Variants in BET1 observed in about 807,000 individuals in gnomAD.
BET1 encodes BET1 homolog.
Under a neutral mutation model 13.9 loss-of-function variants are expected in BET1, and 9 were observed. That is an observed-to-expected ratio of 0.65 (90% CI 0.39 to 1.13). The LOEUF (loss-of-function observed/expected upper bound fraction) is 1.13, where lower values mean the gene tolerates loss of function less well. Among genes scored for constraint, BET1 ranks in the 50% most tolerant of loss-of-function variants. BET1 has a pLI of 0.01. For synonymous variants in BET1, 39 were observed against 47.3 expected (o/e 0.82, Z 0.72); for missense variants, 127 against 133.6 (o/e 0.95, Z 0.24).
At chr7:93,978,498 C>T (rs986435256) in intron 4 of BET1, among the ~76,000 whole-genome samples, 10 of 152,150 alleles carry the variant, frequency 6.6e-5, no homozygotes, top group Admixed American at 3.9e-4. Flanking sequence ...CCCCTTGATG[C>T]ATTTCTCATT....
At chr7:93,997,994 G>C (rs59411491) in intron 2 of BET1, among the ~76,000 whole-genome samples, 1,851 of 152,164 alleles carry the variant, frequency 0.012, 35 homozygotes, top group African/African-American at 0.041. Context: ...GGAGGGAGGG[G>C]GTGCAATGAA....
rs77762339 is a variant in BET1, at chr7:93,977,030, A to G, written c.236-930T>C. Among the ~76,000 whole-genome samples, 1,200 of 152,216 alleles carry G rather than the reference A, an allele frequency of 7.9e-3. 19 individuals are homozygous for G. The highest frequency in any genetic ancestry group is 0.027 in the African/African-American group (1,132 of 41,530). On this transcript the variant is annotated intron_variant and NMD_transcript_variant, in intron 4 of 6. Transcript: ENST00000357520. ...TTTTGTTCCCTTTTATGGCTGAGAT[A>G]TATCTATATCTATCTATATCTATAT...
intron 4 of BET1, among the ~76,000 whole-genome samples, chr7:93,978,133 A>G (rs972266956): frequency 4.0e-5 from 6 of 151,534 alleles, no homozygotes; most frequent in Admixed American, 1.3e-4. Context: ...GTGCAGTGGC[A>G]TGATTGGCTT....
At position 94,004,342 on chromosome 7, in the gene BET1, G is replaced by C. The variant is rs1327916303; in HGVS notation, c.-126C>G. Reference sequence around the variant, plus strand: ...AAACACCAACTTCTTCCCCTAAAGCGCCACGACATCAGTGGAGTCTAAACA... The same window carrying C: ...AAACACCAACTTCTTCCCCTAAAGCCCCACGACATCAGTGGAGTCTAAACA... On this transcript the variant is annotated 5_prime_UTR_variant, in exon 1 of 4. Transcript: ENST00000222547. The C allele has an allele frequency of 7.6e-6, 10 of 1,319,502 alleles. No individual in the cohort carries two copies. Among genetic ancestry groups the C allele is most frequent in the Non-Finnish European group, 9.8e-6 (9 of 920,772 alleles). 81.7% of individuals were successfully genotyped at this position (1,319,502 alleles called of 1,614,324 possible). A position where few individuals can be genotyped will look rare whatever the true frequency, so the allele number is the denominator to read the frequency against.
intron 3 of BET1, among the ~76,000 whole-genome samples, chr7:93,994,719 T>C (rs1795723583): frequency 6.6e-6 from 1 of 152,244 alleles, no homozygotes; most frequent in Non-Finnish European, 1.5e-5. Context: ...TTGTGCATTA[T>C]CACACAGATT....
downstream of BET1, chr7:93,992,275 C>A (rs1220505725): frequency 3.0e-6 from 3 of 985,178 alleles, no homozygotes; most frequent in Non-Finnish European, 3.6e-6. Context: ...TTCCTGAAAT[C>A]TCTATCTGCT....
At chr7:93,975,033 A>G (rs1266970606) in intron 5 of BET1, among the ~76,000 whole-genome samples, 3 of 151,996 alleles carry the variant, frequency 2.0e-5, no homozygotes, top group East Asian at 1.9e-4. Flanking sequence ...AGAAACATCA[A>G]ATAGAACCAA....
rs1795700113 is a variant in BET1 at position 93,994,009 on chromosome 7, T to C, written c.*221A>G. 1 of 1,509,962 alleles carries C rather than the reference T, an allele frequency of 6.6e-7. No individual in the cohort carries two copies. The highest frequency in any genetic ancestry group is 1.3e-5 in the South Asian group (1 of 78,340). 93.5% of individuals were successfully genotyped at this position (1,509,962 alleles called of 1,614,324 possible). A position where few individuals can be genotyped will look rare whatever the true frequency, so the allele number is the denominator to read the frequency against. The stretch of plus-strand genomic sequence containing the variant: ...TGGAAATTAGTGGAGCCACACCCTC[T>C]CACTACCCCTGAAAATAGGGGCTAA... On this transcript the variant is annotated 3_prime_UTR_variant, in exon 4 of 4. Coordinates refer to ENST00000222547, the MANE Select transcript of BET1 (RefSeq NM_005868.6).
At chr7:94,003,393 A>G (rs1795956500) in intron 1 of BET1, among the ~76,000 whole-genome samples, 2 of 151,802 alleles carry the variant, frequency 1.3e-5, no homozygotes, top group Admixed American at 1.3e-4. Flanking sequence ...GAAAGGTAAT[A>G]TCTTTTTTCA....
chr7:93,966,744 C>T (rs1373748313), intron 6 of BET1, among the ~76,000 whole-genome samples: 2 of 151,510 alleles, frequency 1.3e-5, no homozygotes, highest in South Asian at 2.1e-4. Flanking sequence ...GATATCAGCC[C>T]AAAGGATTGG....
intron 4 of BET1, among the ~76,000 whole-genome samples, chr7:93,985,944 G>C (rs1007732917): frequency 6.6e-6 from 1 of 152,126 alleles, no homozygotes; most frequent in Non-Finnish European, 1.5e-5. Flanking sequence ...AGTTAGAAAC[G>C]GACCACAGTG....
intron 5 of BET1, among the ~76,000 whole-genome samples, chr7:93,974,132 G>T (rs1795301241): frequency 6.6e-6 from 1 of 152,000 alleles, no homozygotes; most frequent in East Asian, 1.9e-4. Flanking sequence ...TATAAGAAAA[G>T]GGATAGCTAG....
intron 5 of BET1, among the ~76,000 whole-genome samples, chr7:93,973,139 A>T (rs1795284752): frequency 6.6e-6 from 1 of 151,996 alleles, no homozygotes; most frequent in Non-Finnish European, 1.5e-5. Flanking sequence ...TATAGTTAAC[A>T]GATATCAAAA....
chr7:93,998,402 GAA>G (rs1795818181), intron 2 of BET1, among the ~76,000 whole-genome samples: 1 of 152,088 alleles, frequency 6.6e-6, no homozygotes, highest in African/African-American at 2.4e-5. Flanking sequence ...GTTCAACTAA[GAA>G]AACCAGGGGA....
At chr7:94,004,028 G>A (rs1795971747) in intron 1 of BET1, among the ~76,000 whole-genome samples, 170 bp downstream of exon 1, 1 of 152,066 alleles carries the variant, frequency 6.6e-6, no homozygotes, top group African/African-American at 2.4e-5. Context: ...AAATTCCAAA[G>A]ATCTGGGACA....
intron 6 of BET1, among the ~76,000 whole-genome samples, chr7:93,966,079 T>G (rs1021645305): frequency 6.6e-6 from 1 of 151,994 alleles, no homozygotes; most frequent in Non-Finnish European, 1.5e-5. Context: ...GGAATATTAA[T>G]GGTGGTCACT....
At chr7:93,966,471 C>A (rs1472670588) in intron 6 of BET1, among the ~76,000 whole-genome samples, 1 of 151,814 alleles carries the variant, frequency 6.6e-6, no homozygotes, top group Non-Finnish European at 1.5e-5. Context: ...TTGCAGGGGG[C>A]AAATCTTGAT....
intron 2 of BET1, among the ~76,000 whole-genome samples, chr7:93,997,353 G>GC (rs2116128276): frequency 6.6e-6 from 1 of 152,072 alleles, no homozygotes; most frequent in East Asian, 1.9e-4. Flanking sequence ...AAGCTAGACT[G>GC]CCCACATTAC....
chr7:93,995,354 T>C (rs1584143666), intron 3 of BET1, among the ~76,000 whole-genome samples: 2 of 152,314 alleles, frequency 1.3e-5, no homozygotes, highest in South Asian at 2.1e-4. Context: ...CATACTTTCA[T>C]AGAAATTATA....
Sources: allele counts gnomAD v4.1 joint callset (sites outside exome capture counted in the v4.1 genomes callset), GRCh38; gene constraint gnomAD v4.1.1; transcripts MANE v1.5; gene names NCBI Gene and HGNC (gene_info 2026-07-23, HGNC 2026-07-21).